ERG: variants seen among roughly 807,000 people sequenced by gnomAD.
ERG encodes ETS transcription factor ERG.
Under a neutral mutation model 55.3 loss-of-function variants are expected in ERG, and 9 were observed. That is an observed-to-expected ratio of 0.16 (90% confidence interval 0.10 to 0.28). The LOEUF (loss-of-function observed/expected upper bound fraction) is 0.28. Ranked by LOEUF, ERG falls within the 10% of genes least tolerant of loss-of-function variation. ERG has a pLI of 1.00. For missense variants in ERG, 434 were observed against 631.6 expected (o/e 0.69, Z 3.35); for synonymous variants, 223 against 237.3 (o/e 0.94, Z 0.55).
chr21:38,654,768 T>C (rs957793209), intron 1 of ERG, among the ~76,000 whole-genome samples: 10 of 152,210 alleles, frequency 6.6e-5, no homozygotes, highest in African/African-American at 2.4e-4. Flanking sequence ...CTTTTGCTTA[T>C]TCTGTCCTCT....
At chr21:38,480,858 GTTT>G (rs2059232673) in intron 1 of ERG, among the ~76,000 whole-genome samples, 1 of 152,042 alleles carries the variant, frequency 6.6e-6, no homozygotes, top group African/African-American at 2.4e-5. Context: ...CTTGGGAGGT[GTTT>G]TGACAAACAT....
At chr21:38,427,298 C>T (rs977438966) in intron 2 of ERG, among the ~76,000 whole-genome samples, 2 of 152,214 alleles carry the variant, frequency 1.3e-5, no homozygotes, top group African/African-American at 4.8e-5. Context: ...TGGTCTCGAA[C>T]TCCTGACCTA....
At chr21:38,600,698 T>G (rs933016590) in intron 1 of ERG, among the ~76,000 whole-genome samples, 1 of 152,218 alleles carries the variant, frequency 6.6e-6, no homozygotes, top group Non-Finnish European at 1.5e-5. Flanking sequence ...AAGCATGGAA[T>G]CACAGAACCA....
intron 3 of ERG, among the ~76,000 whole-genome samples, chr21:38,416,676 C>T (rs1989294933): frequency 6.6e-6 from 1 of 152,222 alleles, no homozygotes; most frequent in Non-Finnish European, 1.5e-5. Flanking sequence ...TAAGTATATA[C>T]ATGCATTTGA....
intron 2 of ERG, among the ~76,000 whole-genome samples, chr21:38,570,398 C>T (rs1245565578): frequency 3.9e-5 from 6 of 152,182 alleles, no homozygotes; most frequent in African/African-American, 1.4e-4. Flanking sequence ...ATGTAAGTAG[C>T]ATGTGCTACA....
chr21:38,482,353 A>T (rs2059245586), intron 1 of ERG, among the ~76,000 whole-genome samples: 1 of 152,258 alleles, frequency 6.6e-6, no homozygotes, highest in Non-Finnish European at 1.5e-5. Flanking sequence ...ATGGTCAAAA[A>T]GACAAGAAAT....
At chr21:38,558,973 G>A (rs2059875457) in intron 2 of ERG, among the ~76,000 whole-genome samples, 1 of 152,174 alleles carries the variant, frequency 6.6e-6, no homozygotes, top group African/African-American at 2.4e-5. Context: ...GAGAACAATA[G>A]CAAGAAAGGA....
chr21:38,403,594 C>T lies in ERG; in HGVS notation c.504G>A (p.Leu168=). The change falls in exon 4 of 10, where the codon CTG becomes CTA. Residue 168 remains leucine (L), a synonymous_variant. Transcript: ENST00000288319. The part of the protein sequence containing the change: ...LLFQNIDGKE[L]CKMTKDDFQR... Reference sequence around the variant, plus strand: ...GGAAGTCGTCCTTGGTCATCTTGCACAGTTCCTTCCCATCGATGTTCTGGA... The same window carrying T: ...GGAAGTCGTCCTTGGTCATCTTGCATAGTTCCTTCCCATCGATGTTCTGGA... 1.2e-6 allele frequency: 2 copies of T among 1,614,224 alleles called. No homozygotes were observed. Among genetic ancestry groups the T allele is most frequent in the South Asian group, 1.1e-5 (1 of 91,086 alleles).
chr21:38,374,547 A>G, the ERG span, among the ~76,000 whole-genome samples: 1 of 152,230 alleles, frequency 6.6e-6, no homozygotes, highest in East Asian at 1.9e-4. Context: ...ATTTAACTAA[A>G]GGTAAAGGGA....
At chr21:38,411,788 T>C (rs752282703) in intron 3 of ERG, among the ~76,000 whole-genome samples, 2 of 152,228 alleles carry the variant, frequency 1.3e-5, no homozygotes, top group Non-Finnish European at 2.9e-5. Context: ...GACCTATCAA[T>C]TACTGAGAAA....
intron 1 of ERG, among the ~76,000 whole-genome samples, chr21:38,462,822 C>A (rs1324052450): frequency 6.6e-6 from 1 of 152,202 alleles, no homozygotes; most frequent in East Asian, 1.9e-4. Context: ...CCATCAGCTA[C>A]ACAGCACACA....
intron 2 of ERG, among the ~76,000 whole-genome samples, chr21:38,439,150 C>A (rs115584310): frequency 6.6e-6 from 1 of 152,130 alleles, no homozygotes; most frequent in Admixed American, 6.5e-5. Context: ...GTGGGCTTCA[C>A]GAAATCGCCA....
chr21:38,531,936 A>T (rs1836224540), intron 2 of ERG, among the ~76,000 whole-genome samples: 1 of 152,192 alleles, frequency 6.6e-6, no homozygotes, highest in Admixed American at 6.5e-5. Context: ...AACTGAGGCA[A>T]TTGTGTAGAC....
chr21:38,599,298 T>C (rs1463296413), intron 1 of ERG, among the ~76,000 whole-genome samples: 1 of 151,388 alleles, frequency 6.6e-6, no homozygotes, highest in East Asian at 1.9e-4. Flanking sequence ...GCTGGAGGTG[T>C]ACCAGGGTGA....
At chr21:38,478,864 G>A (rs2059212348) in intron 1 of ERG, among the ~76,000 whole-genome samples, 2 of 152,194 alleles carry the variant, frequency 1.3e-5, no homozygotes, top group African/African-American at 2.4e-5. Flanking sequence ...TTCATAGGAT[G>A]TAATCACCAC....
intron 1 of ERG, among the ~76,000 whole-genome samples, chr21:38,450,715 G>A (rs904993171): frequency 5.9e-5 from 9 of 152,128 alleles, no homozygotes; most frequent in African/African-American, 2.2e-4. Context: ...TTGATTACAA[G>A]ATACACCACT....
chr21:38,629,962 T>A (rs189316969), intron 1 of ERG, among the ~76,000 whole-genome samples: 1 of 152,198 alleles, frequency 6.6e-6, no homozygotes, highest in South Asian at 2.1e-4. Context: ...ACAAAATGGA[T>A]GGCCCTTGAA....
chr21:38,555,144 T>C (rs937237259), intron 2 of ERG, among the ~76,000 whole-genome samples: 1 of 151,904 alleles, frequency 6.6e-6, no homozygotes, highest in Non-Finnish European at 1.5e-5. Flanking sequence ...CTGGCCAACA[T>C]AGTGAAACCT....
At chr21:38,629,877 T>C (rs1367950106) in intron 1 of ERG, among the ~76,000 whole-genome samples, 2 of 152,142 alleles carry the variant, frequency 1.3e-5, no homozygotes, top group Non-Finnish European at 2.9e-5. Context: ...GATGAACAGG[T>C]AAACAAAATG....
Sources: gnomAD v4.1 joint callset for allele counts (sites outside exome capture counted in the v4.1 genomes callset) on GRCh38, gnomAD v4.1.1 for gene constraint, MANE v1.5 for transcripts, NCBI Gene and HGNC (gene_info 2026-07-23, HGNC 2026-07-21) for gene names.